RRM2B: variants seen among roughly 807,000 people sequenced by gnomAD.
The protein encoded by RRM2B is ribonucleoside-diphosphate reductase subunit M2 B.
Under a neutral mutation model 45.9 loss-of-function variants are expected in RRM2B, and 20 were observed. That is an observed-to-expected ratio of 0.44 (90% CI 0.31 to 0.63). RRM2B has a LOEUF of 0.63. Among genes scored for constraint, RRM2B ranks in the 30% least tolerant of loss-of-function variants. The probability of loss-of-function intolerance (pLI) is 0.09; values close to 1 mark genes in which losing one functional copy is unlikely to be tolerated. For missense variants in RRM2B, 320 were observed against 414.7 expected (o/e 0.77, Z 1.98); for synonymous variants, 124 against 132.3 (o/e 0.94, Z 0.43).
chr8:102,226,089 T>C (rs1376432782), intron 2 of RRM2B, 55 bp from the exon 3 acceptor site: 1 of 1,069,660 alleles, frequency 9.3e-7, no homozygotes, highest in African/African-American at 1.6e-5. Flanking sequence ...CTTCTCAAAG[T>C]GTTTGGGAAA....
In RRM2B at chr8:102,238,893, G is replaced by C. The variant is rs917347802; in HGVS notation, c.-19C>G. 6.2e-6 allele frequency: 10 copies of C among 1,608,894 alleles called. No individual in the cohort carries two copies. The African/African-American group carries it at 1.3e-4, about 21-fold the overall frequency. The stretch of plus-strand genomic sequence containing the variant: ...CGCCCATCGCGCAGACTCCGCCGAA[G>C]CTACGGGCGCTGAGGGAACTGAGCT... On this transcript the variant is annotated 5_prime_UTR_variant, in exon 1 of 9. Coordinates refer to ENST00000251810, the MANE Select transcript of RRM2B (RefSeq NM_015713.5).
intron 1 of RRM2B, chr8:102,238,453 G>T: frequency 9.7e-7 from 1 of 1,030,206 alleles, no homozygotes; most frequent in Non-Finnish European, 1.3e-6. Context: ...CTCCAGCAGA[G>T]CCGCCACAGT....
intron 1 of RRM2B, among the ~76,000 whole-genome samples, chr8:102,238,215 C>G (rs28999671): frequency 0.098 from 14,936 of 152,264 alleles, 857 homozygotes; most frequent in Middle Eastern, 0.15. Context: ...TTAATTCTCT[C>G]TGAAGTATCA....
In RRM2B at chr8:102,237,750, G is replaced by A. The variant is rs184991171; in HGVS notation, c.48+1077C>T. 1.9e-3 allele frequency among the ~76,000 whole-genome samples: 289 copies of A among 152,316 alleles called. 1 individual carries two copies. The highest frequency in any genetic ancestry group is 0.012 in the South Asian group (58 of 4,826). On this transcript the variant is annotated intron_variant, in intron 1 of 8. Coordinates refer to ENST00000251810, the MANE Select transcript of RRM2B (RefSeq NM_015713.5). The stretch of plus-strand genomic sequence containing the variant: ...TTTTCCCCTTTGAGTAGGGAAGTTG[G>A]TACTAAACGCATTTGTTTCAAAACA...
rs1331838746 is a variant in RRM2B at position 102,205,891 on chromosome 8, T to A, written c.*2242A>T. The A allele has an allele frequency of 2.0e-5, 3 of 152,076 alleles. No individual in the cohort carries two copies. The highest frequency in any genetic ancestry group is 6.5e-5 in the Admixed American group (1 of 15,272). 9.4% of individuals were successfully genotyped at this position (152,076 alleles called of 1,614,324 possible). A position where few individuals can be genotyped will look rare whatever the true frequency, so the allele number is the denominator to read the frequency against. On this transcript the variant is annotated 3_prime_UTR_variant, in exon 9 of 9. Coordinates refer to ENST00000251810, the MANE Select transcript of RRM2B (RefSeq NM_015713.5). The stretch of plus-strand genomic sequence containing the variant: ...AATCCAGTATGTCAGTATTAAGACT[T>A]CTTCATCCAAATCCAGTTAGGTTTA...
intron 6 of RRM2B, among the ~76,000 whole-genome samples, chr8:102,216,549 T>C (rs1810734068): frequency 6.6e-6 from 1 of 152,134 alleles, no homozygotes; most frequent in Non-Finnish European, 1.5e-5. Flanking sequence ...ACCCAATCAG[T>C]CACTGTACAT....
At chr8:102,228,902 A>C (rs1287631121) in intron 2 of RRM2B, among the ~76,000 whole-genome samples, 1 of 152,244 alleles carries the variant, frequency 6.6e-6, no homozygotes, top group African/African-American at 2.4e-5. Context: ...TTCATAATTA[A>C]CTTCATGAAC....
intron 1 of RRM2B, among the ~76,000 whole-genome samples, chr8:102,235,469 T>C (rs1811103140): frequency 6.6e-6 from 1 of 152,120 alleles, no homozygotes; most frequent in African/African-American, 2.4e-5. Flanking sequence ...TTAATTTAAC[T>C]CCTCCCACCA....
In RRM2B at chr8:102,232,260, T is replaced by G; in HGVS notation, c.93A>C (p.Glu31Asp). Residue 31 changes from glutamate (E) to aspartate (D), a missense_variant, in exon 2 of 9, where the codon GAA (glutamate) becomes GAC (aspartate). Coordinates refer to ENST00000251810, the MANE Select transcript of RRM2B (RefSeq NM_015713.5). ...DTNESEIKSN[E>D]EPLLRKSSRR... ...GAGAACTCTTTCTTAGGAGTGGCTC[T>G]TCATTTGACTTTATTTCACTTTCGT... 6.2e-7 allele frequency: 1 copy of G among 1,614,196 alleles called. No individual in the cohort carries two copies. The highest frequency in any genetic ancestry group is 8.5e-7 in the Non-Finnish European group (1 of 1,179,996).
chr8:102,209,400 T>C (rs1287583561), intron 8 of RRM2B, among the ~76,000 whole-genome samples: 2 of 152,204 alleles, frequency 1.3e-5, no homozygotes, highest in African/African-American at 4.8e-5. Context: ...AGCATCCTTA[T>C]CCATTAGAGA....
Position 102,234,804 on chromosome 8 carries a change from C to T in RRM2B, c.49-2500G>A, listed in dbSNP as rs184201074. The T allele has an allele frequency of 2.1e-3, 330 of 154,588 alleles. 3 individuals are homozygous for T. Among genetic ancestry groups the T allele is most frequent in the African/African-American group, 7.6e-3 (314 of 41,588 alleles). 9.6% of individuals were successfully genotyped at this position (154,588 alleles called of 1,614,324 possible). A position where few individuals can be genotyped will look rare whatever the true frequency, so the allele number is the denominator to read the frequency against. On this transcript the variant is annotated intron_variant, in intron 1 of 8. Coordinates refer to ENST00000251810, the MANE Select transcript of RRM2B (RefSeq NM_015713.5). ...GGCAGAGATTGCAGTGAGCTGAGAT[C>T]ACGCCACTGCACTCAGGCCTGGTGA... is the stretch of plus-strand genomic sequence containing the variant.
At chr8:102,213,602 C>A (rs1219009216) in intron 7 of RRM2B, among the ~76,000 whole-genome samples, 1 of 151,994 alleles carries the variant, frequency 6.6e-6, no homozygotes, top group Non-Finnish European at 1.5e-5. Context: ...CCGTACATAC[C>A]CTAACTTAAT....
chr8:102,231,873 A>G (rs1811035360), intron 2 of RRM2B, among the ~76,000 whole-genome samples: 1 of 151,384 alleles, frequency 6.6e-6, no homozygotes, highest in Admixed American at 6.6e-5. Flanking sequence ...TGTCTCAAAA[A>G]AAAAAAAAAA....
chr8:102,213,058 T>C (rs191658090), intron 7 of RRM2B, among the ~76,000 whole-genome samples, 169 bp from the exon 8 acceptor site: 5 of 152,324 alleles, frequency 3.3e-5, no homozygotes, highest in Admixed American at 2.0e-4. Context: ...TTAAAAACAT[T>C]TGGGGTATTA....
In RRM2B at chr8:102,213,916, T is replaced by TCAATACA. The variant is rs1810678757; in HGVS notation, c.789+137_789+138insTGTATTG. ...GACATAATAATTGTAATATATCATGTATTGGTATTGTCAGGCTGACCAGAA... is the reference window on the plus strand; with the variant it reads ...GACATAATAATTGTAATATATCATGTCAATACAATTGGTATTGTCAGGCTGACCAGAA... On this transcript the variant is annotated intron_variant, in intron 7 of 8. Transcript: ENST00000251810. 2.9e-6 allele frequency: 2 copies of TCAATACA among 684,688 alleles called. 1 individual carries two copies. Among genetic ancestry groups the TCAATACA allele is most frequent in the South Asian group, 3.1e-5 (2 of 63,876 alleles). The allele number at this position is 684,688 out of a possible 1,614,324, so 42.4% of individuals were successfully genotyped here.
intron 7 of RRM2B, among the ~76,000 whole-genome samples, chr8:102,213,653 T>C (rs376169732): frequency 5.3e-5 from 8 of 152,132 alleles, no homozygotes; most frequent in South Asian, 4.1e-4. Flanking sequence ...CTATAAAAAT[T>C]TGTGTATGCT....
chr8:102,204,718 G>A lies in RRM2B; in HGVS notation c.*3415C>T, dbSNP rs1477129201. ...AATGTATTTCAGCAAAAAAAATTTA[G>A]ATACACCACACATAATAAAGCTTTC... is the stretch of plus-strand genomic sequence containing the variant. On this transcript the variant is annotated 3_prime_UTR_variant, in exon 9 of 9. Coordinates refer to ENST00000251810, the MANE Select transcript of RRM2B (RefSeq NM_015713.5). The A allele has an allele frequency of 6.6e-6, 1 of 151,878 alleles. No individual in the cohort carries two copies. The highest frequency in any genetic ancestry group is 1.5e-5 in the Non-Finnish European group (1 of 67,962). 9.4% of individuals were successfully genotyped at this position (151,878 alleles called of 1,614,324 possible).
intron 6 of RRM2B, chr8:102,214,378 T>C (rs1163185483): frequency 1.8e-6 from 1 of 544,748 alleles, no homozygotes; most frequent in South Asian, 1.8e-5. Flanking sequence ...CAAATCTTAG[T>C]TCATCAACAT....
chr8:102,238,924 G>C lies in RRM2B; in HGVS notation c.-50C>G. On this transcript the variant is annotated 5_prime_UTR_variant, in exon 1 of 9. Transcript: ENST00000251810. ...GGCGCTGAGGGAACTGAGCTCCTCA[G>C]GCCACCTCCAACTACGACAGCACCC... 6.3e-7 allele frequency: 1 copy of C among 1,593,250 alleles called. No homozygotes were observed. Among genetic ancestry groups the C allele is most frequent in the Non-Finnish European group, 8.5e-7 (1 of 1,171,456 alleles).
Sources: allele counts gnomAD v4.1 joint callset (sites outside exome capture counted in the v4.1 genomes callset), GRCh38; gene constraint gnomAD v4.1.1; transcripts MANE v1.5; gene names NCBI Gene and HGNC (gene_info 2026-07-23, HGNC 2026-07-21).